The following UNC13C variants were observed in gnomAD, a reference collection of about 807,000 sequenced individuals.
UNC13C encodes the protein protein unc-13 homolog C.
Under a neutral mutation model 245.4 loss-of-function variants are expected in UNC13C, and 174 were observed. That is an observed-to-expected ratio of 0.71 (90% confidence interval 0.63 to 0.80). The LOEUF is 0.80. Among genes scored for constraint, UNC13C ranks in the 30% least tolerant of loss-of-function variants. The pLI, the probability that UNC13C is intolerant of heterozygous loss-of-function variation, is 0.00. For missense variants in UNC13C, 2,829 were observed against 2,602.9 expected (o/e 1.09, Z -1.89); for synonymous variants, 992 against 895.1 (o/e 1.11, Z -1.93).
At chr15:53,952,279 T>C in the UNC13C span, among the ~76,000 whole-genome samples, 1 of 152,186 alleles carries the variant, frequency 6.6e-6, no homozygotes, top group Admixed American at 6.5e-5. Flanking sequence ...GCTAAAATTA[T>C]AAAGTTACCT....
At chr15:54,228,772 A>G (rs774238696) in intron 4 of UNC13C, among the ~76,000 whole-genome samples, 16 of 152,076 alleles carry the variant, frequency 1.1e-4, no homozygotes, top group Non-Finnish European at 2.1e-4. Context: ...CCTTTCCTCA[A>G]GAAAAGGGAA....
At chr15:54,237,562 A>T in intron 6 of UNC13C, 57 bp from the exon 7 acceptor site, 1 of 1,275,862 alleles carries the variant, frequency 7.8e-7, no homozygotes, top group Non-Finnish European at 1.1e-6. Flanking sequence ...TCTGCTGAGC[A>T]GTATATGCAC....
intron 13 of UNC13C, among the ~76,000 whole-genome samples, chr15:54,315,253 C>G (rs2037979262): frequency 6.6e-6 from 1 of 151,702 alleles, no homozygotes; most frequent in Non-Finnish European, 1.5e-5. Flanking sequence ...CCTGGTACCT[C>G]TTCACTTTCC....
At position 54,345,075 on chromosome 15, in the gene UNC13C, C is replaced by T. The variant is rs138948774; in HGVS notation, c.4713+6586C>T. Among the ~76,000 whole-genome samples the T allele has an allele frequency of 2.4e-3, 359 of 152,296 alleles. 1 individual carries two copies. Among genetic ancestry groups the T allele is most frequent in the Non-Finnish European group, 2.1e-3 (140 of 68,024 alleles). The stretch of plus-strand genomic sequence containing the variant: ...ACATGATCTGGCCTATGTTACGCTT[C>T]TCACCCCTCTTACTCTAATGCTGTC... On this transcript the variant is annotated intron_variant, in intron 17 of 32. Transcript: ENST00000260323.
intron 24 of UNC13C, among the ~76,000 whole-genome samples, chr15:54,513,513 A>G (rs1181195296): frequency 1.3e-5 from 2 of 152,366 alleles, no homozygotes; most frequent in East Asian, 3.9e-4. Flanking sequence ...TTGTTCACCA[A>G]TCAAAAATGA....
chr15:54,418,938 G>C (rs1201655706), intron 19 of UNC13C, among the ~76,000 whole-genome samples: 1 of 151,964 alleles, frequency 6.6e-6, no homozygotes. Context: ...TCCTCCACTG[G>C]CAGTTCCCTT....
intron 2 of UNC13C, among the ~76,000 whole-genome samples, chr15:54,031,797 C>T (rs1483086606): frequency 1.3e-5 from 2 of 152,080 alleles, no homozygotes; most frequent in African/African-American, 4.8e-5. Flanking sequence ...GATATGGCTG[C>T]ATAAAATTAA....
intron 2 of UNC13C, among the ~76,000 whole-genome samples, chr15:54,042,301 T>A (rs971236302): frequency 1.2e-4 from 18 of 152,182 alleles, no homozygotes; most frequent in African/African-American, 4.3e-4. Context: ...CACTGATGAA[T>A]TTTGAGCTTA....
intron 17 of UNC13C, among the ~76,000 whole-genome samples, chr15:54,362,115 G>A (rs2039246453): frequency 1.3e-5 from 2 of 152,162 alleles, no homozygotes; most frequent in African/African-American, 4.8e-5. Flanking sequence ...TGATTAGAGG[G>A]AAGAATAGCT....
chr15:53,894,347 T>C, the UNC13C span, among the ~76,000 whole-genome samples: 331 of 152,362 alleles, frequency 2.2e-3, 2 homozygotes, highest in East Asian at 0.012. Flanking sequence ...GTTGAATGAA[T>C]GTACAACTGT....
At chr15:54,253,977 A>G (rs947275466) in intron 8 of UNC13C, among the ~76,000 whole-genome samples, 27 of 152,208 alleles carry the variant, frequency 1.8e-4, no homozygotes, top group African/African-American at 6.0e-4. Flanking sequence ...GCACCTGCAT[A>G]AGGCCAGAAA....
At chr15:54,261,995 A>G (rs1030164053) in intron 8 of UNC13C, among the ~76,000 whole-genome samples, 1 of 152,224 alleles carries the variant, frequency 6.6e-6, no homozygotes, top group African/African-American at 2.4e-5. Flanking sequence ...TTCTATAATA[A>G]CAGCAATAAT....
intron 29 of UNC13C, 55 bp downstream of exon 29, chr15:54,555,567 G>C: frequency 7.3e-7 from 1 of 1,378,538 alleles, no homozygotes; most frequent in Admixed American, 1.9e-5. Context: ...TTTACCTCCA[G>C]AGATAGGTAG....
chr15:54,555,542 C>A (rs62022213), intron 29 of UNC13C, 30 bp downstream of exon 29: 85,098 of 1,542,188 alleles, frequency 0.055, 2,886 homozygotes, highest in Admixed American at 0.15. Flanking sequence ...ATATATACAT[C>A]GAGAGAGGCC....
At chr15:54,206,422 G>T (rs2034710139) in intron 4 of UNC13C, among the ~76,000 whole-genome samples, 2 of 152,082 alleles carry the variant, frequency 1.3e-5, no homozygotes, top group Non-Finnish European at 2.9e-5. Context: ...TCTTGAAGTA[G>T]TTCAGGGAGA....
the UNC13C span, among the ~76,000 whole-genome samples, chr15:53,926,956 T>C: frequency 1.3e-5 from 2 of 152,162 alleles, no homozygotes; most frequent in East Asian, 3.9e-4. Flanking sequence ...AGGGTTACTT[T>C]CCGTGAGTAA....
At chr15:54,350,139 C>G (rs965988079) in intron 17 of UNC13C, among the ~76,000 whole-genome samples, 11 of 152,046 alleles carry the variant, frequency 7.2e-5, no homozygotes, top group Non-Finnish European at 1.5e-4. Flanking sequence ...CTACAGGCGC[C>G]CGACACCACT....
At chr15:54,117,121 T>C (rs1595875951) in intron 2 of UNC13C, among the ~76,000 whole-genome samples, 1 of 152,116 alleles carries the variant, frequency 6.6e-6, no homozygotes, top group East Asian at 1.9e-4. Flanking sequence ...TAGTTTTTGT[T>C]GTTGTTGTTG....
In UNC13C at chr15:54,014,883, G is replaced by T; in HGVS notation, c.1980G>T (p.Trp660Cys). ...LHEDLSPWKEWNQGADLGLDS... is the reference protein window; with the variant it reads ...LHEDLSPWKECNQGADLGLDS... ...AGGATCTTTCTCCATGGAAGGAATG[G>T]AATCAAGGAGCTGATTTAGGCTTGG... Residue 660 changes from tryptophan (W) to cysteine (C), a missense_variant, in exon 2 of 33, where the codon TGG (tryptophan) becomes TGT (cysteine). Trp to Cys is a radical substitution (Grantham distance 215). Coordinates refer to ENST00000260323, the MANE Select transcript of UNC13C (RefSeq NM_001080534.3). 6.2e-7 allele frequency: 1 copy of T among 1,613,908 alleles called. No homozygotes were observed. Among genetic ancestry groups the T allele is most frequent in the South Asian group, 1.1e-5 (1 of 91,080 alleles).
Sources: gnomAD v4.1 joint callset for allele counts (sites outside exome capture counted in the v4.1 genomes callset) on GRCh38, gnomAD v4.1.1 for gene constraint, MANE v1.5 for transcripts, NCBI Gene and HGNC (gene_info 2026-07-23, HGNC 2026-07-21) for gene names.